Variants in PBX3 observed in about 807,000 individuals in gnomAD.
PBX3 encodes the protein pre-B-cell leukemia transcription factor 3.
Under a neutral mutation model 48.5 loss-of-function variants are expected in PBX3, and 14 were observed. The ratio of observed to expected loss-of-function variants is 0.29; its 90% CI spans 0.19 to 0.45. The LOEUF (loss-of-function observed/expected upper bound fraction) is 0.45, where lower values mean the gene tolerates loss of function less well. PBX3 is among the 20% of genes least tolerant of loss of function. The pLI, the probability that PBX3 is intolerant of heterozygous loss-of-function variation, is 1.00. For missense variants in PBX3, 386 were observed against 546.7 expected (o/e 0.71, Z 2.93); for synonymous variants, 210 against 200.3 (o/e 1.05, Z -0.41).
intron 2 of PBX3, among the ~76,000 whole-genome samples, chr9:125,832,206 T>C (rs1013821947): frequency 6.6e-6 from 1 of 151,796 alleles, no homozygotes; most frequent in Non-Finnish European, 1.5e-5. Context: ...TTCTTTCTTT[T>C]TTTTTTTGAG....
At chr9:125,825,658 G>A (rs1226909246) in intron 2 of PBX3, among the ~76,000 whole-genome samples, 1 of 152,130 alleles carries the variant, frequency 6.6e-6, no homozygotes, top group Non-Finnish European at 1.5e-5. Flanking sequence ...AATGAATTAT[G>A]AAAACAGTTT....
chr9:125,932,287 A>G (rs1019795764), intron 4 of PBX3, among the ~76,000 whole-genome samples: 1 of 152,082 alleles, frequency 6.6e-6, no homozygotes, highest in Admixed American at 6.5e-5. Context: ...AATCCACCTT[A>G]ATCACCCTGC....
intron 2 of PBX3, among the ~76,000 whole-genome samples, chr9:125,768,129 T>C (rs983844552): frequency 6.9e-6 from 1 of 145,452 alleles, no homozygotes; most frequent in Non-Finnish European, 1.5e-5. Context: ...TCCTTGGGGG[T>C]GGTGGGGGGC....
At chr9:125,923,154 C>T (rs1841491706) in intron 3 of PBX3, among the ~76,000 whole-genome samples, 1 of 152,186 alleles carries the variant, frequency 6.6e-6, no homozygotes, top group Non-Finnish European at 1.5e-5. Context: ...TAGATGCAGA[C>T]ACTTTTTTGC....
At chr9:125,906,717 G>C (rs1469565728) in intron 2 of PBX3, among the ~76,000 whole-genome samples, 4 of 152,024 alleles carry the variant, frequency 2.6e-5, no homozygotes, top group Middle Eastern at 3.4e-3. Flanking sequence ...GGTTGTTTCT[G>C]ACCAAAAATT....
chr9:125,794,028 C>T (rs1005805564), intron 2 of PBX3, among the ~76,000 whole-genome samples: 10 of 152,122 alleles, frequency 6.6e-5, no homozygotes, highest in Admixed American at 2.0e-4. Context: ...ATAATGTTTA[C>T]AATTTTTGTT....
chr9:125,749,398 CTTTATT>C (rs1361367205), intron 2 of PBX3: 1 of 152,194 alleles, frequency 6.6e-6, no homozygotes, highest in Non-Finnish European at 1.5e-5. Flanking sequence ...TCTTGTCAGA[CTTTATT>C]AATTGAAGGT....
At chr9:125,823,940 G>A (rs10986956) in intron 2 of PBX3, among the ~76,000 whole-genome samples, 1 of 151,980 alleles carries the variant, frequency 6.6e-6, no homozygotes, top group East Asian at 1.9e-4. Flanking sequence ...GCCAGGCATG[G>A]TGGCCCGCAC....
rs150542950 is a variant in PBX3 at position 125,964,966 on chromosome 9, G to C, written c.1213-865G>C. On this transcript the variant is annotated intron_variant, in intron 8 of 8. Coordinates refer to ENST00000373489, the MANE Select transcript of PBX3 (RefSeq NM_006195.6). ...GTGGTTGGTGCTGCAGGCACGGGGA[G>C]CCTGCTCACCCTCACCTCCTCTCCA... 3.5e-3 allele frequency among the ~76,000 whole-genome samples: 536 copies of C among 152,294 alleles called. 3 individuals carry two copies. Among genetic ancestry groups the C allele is most frequent in the African/African-American group, 0.012 (503 of 41,574 alleles).
intron 2 of PBX3, among the ~76,000 whole-genome samples, chr9:125,767,829 C>T (rs939084321): frequency 1.3e-5 from 2 of 152,078 alleles, no homozygotes; most frequent in African/African-American, 4.8e-5. Flanking sequence ...GACCACCAGT[C>T]GTTTCTGAGT....
At chr9:125,931,011 C>T (rs1841701981) in intron 4 of PBX3, among the ~76,000 whole-genome samples, 1 of 152,012 alleles carries the variant, frequency 6.6e-6, no homozygotes, top group Non-Finnish European at 1.5e-5. Flanking sequence ...GCCAAGCTCA[C>T]TATGGAAAGT....
chr9:125,873,484 CACAT>C (rs1840177082), intron 2 of PBX3, among the ~76,000 whole-genome samples: 1 of 152,118 alleles, frequency 6.6e-6, no homozygotes, highest in Non-Finnish European at 1.5e-5. Flanking sequence ...ATCAGCATGA[CACAT>C]ACCATATTCT....
intron 2 of PBX3, among the ~76,000 whole-genome samples, chr9:125,900,143 C>T (rs1393309329): frequency 6.6e-6 from 1 of 151,340 alleles, no homozygotes; most frequent in Admixed American, 6.6e-5. Flanking sequence ...TTTATTTTGC[C>T]TCTTTATTGT....
chr9:125,748,349 T>C lies in PBX3; in HGVS notation c.201-201T>C, dbSNP rs12686532. 9.5e-3 allele frequency: 12,265 copies of C among 1,296,688 alleles called. 673 individuals carry two copies. In the East Asian group the frequency reaches 0.16, roughly 16 times the overall value. The allele number at this position is 1,296,688 out of a possible 1,614,324, so 80.3% of individuals were successfully genotyped here. A position where few individuals can be genotyped will look rare whatever the true frequency, so the allele number is the denominator to read the frequency against. Reference sequence around the variant, plus strand: ...GCCTGCCGGGCAGATGGGTCCGCCTTGTTCCGGCTGCAGCTTTCGCCGCCG... The same window carrying C: ...GCCTGCCGGGCAGATGGGTCCGCCTCGTTCCGGCTGCAGCTTTCGCCGCCG... On this transcript the variant is annotated intron_variant, in intron 1 of 8. Transcript: ENST00000373489.
intron 2 of PBX3, among the ~76,000 whole-genome samples, chr9:125,778,772 C>A (rs533894262): frequency 1.4e-5 from 2 of 147,394 alleles, no homozygotes; most frequent in South Asian, 4.3e-4. Context: ...TAGCCTCACC[C>A]TGTTTGTATG....
At chr9:125,872,709 A>G (rs1220021067) in intron 2 of PBX3, among the ~76,000 whole-genome samples, 1 of 151,858 alleles carries the variant, frequency 6.6e-6, no homozygotes, top group Non-Finnish European at 1.5e-5. Flanking sequence ...GCAGTGACCT[A>G]TGATCATGCC....
At chr9:125,788,835 A>G (rs1837525048) in intron 2 of PBX3, among the ~76,000 whole-genome samples, 1 of 151,644 alleles carries the variant, frequency 6.6e-6, no homozygotes, top group Non-Finnish European at 1.5e-5. Context: ...AGATTGCGCC[A>G]CTGCACCCCA....
At chr9:125,963,367 C>T (rs540691956) in intron 8 of PBX3, among the ~76,000 whole-genome samples, 2 of 152,296 alleles carry the variant, frequency 1.3e-5, no homozygotes, top group African/African-American at 2.4e-5. Context: ...TTCCTACCAT[C>T]AGTGCTGTGC....
chr9:125,783,272 CTT>C (rs1178640434), intron 2 of PBX3, among the ~76,000 whole-genome samples: 4 of 151,938 alleles, frequency 2.6e-5, no homozygotes, highest in African/African-American at 7.3e-5. Context: ...CTCTTAGGCT[CTT>C]TTCATTTTCC....
Sources: allele counts gnomAD v4.1 joint callset (sites outside exome capture counted in the v4.1 genomes callset), GRCh38; gene constraint gnomAD v4.1.1; transcripts MANE v1.5; gene names NCBI Gene and HGNC (gene_info 2026-07-23, HGNC 2026-07-21).